Variants in SLC23A2 observed in about 807,000 individuals in gnomAD.
SLC23A2 encodes the protein Na(+)/L-ascorbic acid transporter 2.
A neutral mutation model predicts 73.3 loss-of-function variants in SLC23A2; 36 were observed. The ratio of observed to expected loss-of-function variants is 0.49; its 90% CI spans 0.38 to 0.65. SLC23A2 has a LOEUF of 0.65. SLC23A2 is among the 30% of genes least tolerant of loss of function. SLC23A2 has a pLI of 0.00. For synonymous variants in SLC23A2, 343 were observed against 327.3 expected (o/e 1.05, Z -0.52); for missense variants, 507 against 841.6 (o/e 0.60, Z 4.92).
intron 4 of SLC23A2, 88 bp downstream of exon 4, chr20:4,912,792 C>T: frequency 1.2e-6 from 1 of 844,324 alleles, no homozygotes; most frequent in Non-Finnish European, 2.0e-6. Flanking sequence ...ATGCAAGTGT[C>T]TGAAAGGGAT....
intron 6 of SLC23A2, among the ~76,000 whole-genome samples, chr20:4,897,994 T>A (rs1199466311): frequency 6.6e-6 from 1 of 152,120 alleles, no homozygotes; most frequent in African/African-American, 2.4e-5. Context: ...AAGGTAAGGA[T>A]CCTGAGTGAG....
chr20:4,989,399 T>C (rs73601314), intron 1 of SLC23A2, among the ~76,000 whole-genome samples: 1,946 of 152,278 alleles, frequency 0.013, 39 homozygotes, highest in African/African-American at 0.043. Flanking sequence ...TATTTGCATA[T>C]ATATATAGTG....
intron 4 of SLC23A2, among the ~76,000 whole-genome samples, chr20:4,912,328 CAA>C (rs1932185977): frequency 6.6e-6 from 1 of 152,108 alleles, no homozygotes; most frequent in Non-Finnish European, 1.5e-5. Context: ...GGTCAAAACT[CAA>C]AGGCATTTTC....
chr20:4,943,147 G>A (rs2087068847), intron 2 of SLC23A2, among the ~76,000 whole-genome samples: 1 of 101,414 alleles, frequency 9.9e-6, no homozygotes, highest in Non-Finnish European at 1.8e-5. Context: ...GGGGGGTGGG[G>A]CGGTGTGGAG....
intron 1 of SLC23A2, among the ~76,000 whole-genome samples, chr20:4,976,863 C>T (rs2087650412): frequency 6.6e-6 from 1 of 151,968 alleles, no homozygotes; most frequent in African/African-American, 2.4e-5. Flanking sequence ...GTAGTCCCAG[C>T]TACTCAGGAG....
At chr20:4,945,566 G>A (rs940334600) in intron 2 of SLC23A2, among the ~76,000 whole-genome samples, 5 of 152,212 alleles carry the variant, frequency 3.3e-5, no homozygotes, top group African/African-American at 1.2e-4. Context: ...TCACAGGCAT[G>A]AGCCACCATG....
intron 5 of SLC23A2, among the ~76,000 whole-genome samples, chr20:4,901,972 C>T (rs1931759517): frequency 6.6e-6 from 1 of 152,000 alleles, no homozygotes; most frequent in African/African-American, 2.4e-5. Flanking sequence ...TCCATTCTAC[C>T]TGTTCTTTTC....
rs913117829 is a variant in SLC23A2 at position 4,902,112 on chromosome 20, T to A, written c.324+330A>T. Among the ~76,000 whole-genome samples the A allele has an allele frequency of 2.0e-5, 3 of 152,150 alleles. No homozygotes were observed. The highest frequency in any genetic ancestry group is 4.4e-5 in the Non-Finnish European group (3 of 68,026). On this transcript the variant is annotated intron_variant, in intron 5 of 16. Coordinates refer to ENST00000338244, the MANE Select transcript of SLC23A2 (RefSeq NM_005116.6). The surrounding 1 kb of genome is among the most constrained non-coding windows in gnomAD (Gnocchi z 4.0). ...CTGCAACCTCAACCTCAAGCGATCC[T>A]CCTGCCTCAGCCTCTTGAGTAGCTG...
Position 4,860,518 on chromosome 20 carries a change from C to T in SLC23A2, c.1625-1134G>A, listed in dbSNP as rs1929917069. On this transcript the variant is annotated intron_variant, in intron 15 of 16. Transcript: ENST00000338244. The stretch of plus-strand genomic sequence containing the variant: ...GTGTGTTAAAGAAGATCCATCCAGG[C>T]ATGAGCTGTGGCATTGCTGACTGTC... Among the ~76,000 whole-genome samples, 5 of 152,224 alleles carry T rather than the reference C, an allele frequency of 3.3e-5. No homozygotes were observed. In the South Asian group the frequency reaches 1.0e-3, roughly 31 times the overall value.
intron 9 of SLC23A2, among the ~76,000 whole-genome samples, chr20:4,882,954 A>G (rs1930951585): frequency 6.6e-6 from 1 of 152,216 alleles, no homozygotes; most frequent in Admixed American, 6.5e-5. Context: ...CTGCAGACAC[A>G]TAGAGAATGT....
rs1931805755 is a variant in SLC23A2, at chr20:4,902,972, C to G, written c.208-414G>C. On this transcript the variant is annotated intron_variant, in intron 4 of 16. Coordinates refer to ENST00000338244, the MANE Select transcript of SLC23A2 (RefSeq NM_005116.6). This position sits in a 1 kb window ranked among gnomAD's most constrained non-coding sequence, Gnocchi z 4.0. ...TTTAACCACTTTCAAAGAGACAGCA[C>G]ACTGATCTGCCCCTCCCAGCCCACT... Among the ~76,000 whole-genome samples the G allele has an allele frequency of 6.6e-6, 1 of 152,158 alleles. No individual in the cohort carries two copies. Among genetic ancestry groups the G allele is most frequent in the Admixed American group, 6.6e-5 (1 of 15,266 alleles).
At chr20:4,949,528 T>C (rs1196511462) in intron 2 of SLC23A2, among the ~76,000 whole-genome samples, 1 of 152,172 alleles carries the variant, frequency 6.6e-6, no homozygotes, top group African/African-American at 2.4e-5. Flanking sequence ...TAAATGTTAA[T>C]GTTCAGTTTT....
rs149003302 is a variant in SLC23A2, at chr20:4,869,925, G to T, written c.1231C>A (p.Pro411Thr). Reference protein sequence around the residue: ...CARLSCAPPPPIHAINRGIFV... With the variant: ...CARLSCAPPPTIHAINRGIFV... ...ACGTACCTGTTTATTGCGTGGATGG[G>T]GGGGGGTGGGGCACAGGACAGCCGT... Residue 411 changes from proline (P) to threonine (T), a missense_variant, in exon 12 of 17, where the codon CCC (proline) becomes ACC (threonine). By Grantham distance (38) the Pro-to-Thr change is conservative. This residue lies in a region of SLC23A2 where 27 missense variants were observed against 18.2 expected (regional missense o/e 1.48). Transcript: ENST00000338244. 1 of 1,606,268 alleles carries T rather than the reference G, an allele frequency of 6.2e-7. No homozygotes were observed. The highest frequency in any genetic ancestry group is 1.1e-5 in the South Asian group (1 of 90,920).
chr20:4,897,198 G>A (rs552689415), intron 6 of SLC23A2, among the ~76,000 whole-genome samples: 2 of 152,142 alleles, frequency 1.3e-5, no homozygotes, highest in Non-Finnish European at 2.9e-5. Context: ...CAGGTTAAGA[G>A]AACGGGCACC....
chr20:4,904,847 C>A (rs1408348382), intron 4 of SLC23A2, among the ~76,000 whole-genome samples: 2 of 152,170 alleles, frequency 1.3e-5, no homozygotes, highest in Non-Finnish European at 2.9e-5. Context: ...TGGCTAGGTG[C>A]AGTGGCTCAC....
intron 3 of SLC23A2, among the ~76,000 whole-genome samples, chr20:4,920,825 T>G (rs1038322000): frequency 6.6e-6 from 1 of 152,128 alleles, no homozygotes; most frequent in African/African-American, 2.4e-5. Flanking sequence ...GGCACAGATC[T>G]GGCTGGTGGT....
intron 4 of SLC23A2, among the ~76,000 whole-genome samples, chr20:4,909,303 C>T (rs1047037593): frequency 1.3e-5 from 2 of 152,118 alleles, no homozygotes; most frequent in Non-Finnish European, 1.5e-5. Context: ...CATGTCGGTG[C>T]TCAAAAAATT....
At chr20:4,942,710 G>A (rs969823694) in intron 2 of SLC23A2, among the ~76,000 whole-genome samples, 1 of 152,226 alleles carries the variant, frequency 6.6e-6, no homozygotes, top group Non-Finnish European at 1.5e-5. Flanking sequence ...ACCTGAAGGA[G>A]AAATGTGATG....
At position 4,872,628 on chromosome 20, in the gene SLC23A2, T is replaced by C. The variant is rs1930493767; in HGVS notation, c.1102+1308A>G. The stretch of plus-strand genomic sequence containing the variant: ...TCACCCTGACTGCCTCACCAACTAA[T>C]TGTAATTTCATTTTATCTCAGACTA... On this transcript the variant is annotated intron_variant, in intron 11 of 16. Transcript: ENST00000338244. The surrounding 1 kb of genome is among the most constrained non-coding windows in gnomAD (Gnocchi z 4.4). 6.6e-6 allele frequency among the ~76,000 whole-genome samples: 1 copy of C among 152,196 alleles called. No homozygotes were observed. The highest frequency in any genetic ancestry group is 2.1e-4 in the South Asian group (1 of 4,834).
Sources: allele counts gnomAD v4.1 joint callset (sites outside exome capture counted in the v4.1 genomes callset), GRCh38; gene constraint gnomAD v4.1.1; regional missense constraint gnomAD v4.1.1; non-coding constraint Gnocchi (gnomAD v3.1); transcripts MANE v1.5; gene names NCBI Gene and HGNC (gene_info 2026-07-23, HGNC 2026-07-21).